Variants in SKA3 observed in about 807,000 individuals in gnomAD.
The protein encoded by SKA3 is spindle and kinetochore-associated protein 3.
A neutral mutation model predicts 44.2 loss-of-function variants in SKA3; 39 were observed. That is an observed-to-expected ratio of 0.88 (90% CI 0.68 to 1.15). The LOEUF is 1.15. Ranked by LOEUF, SKA3 falls within the 50% of genes most tolerant of loss-of-function variation. The probability of loss-of-function intolerance (pLI) is 0.00; values close to 1 mark genes in which losing one functional copy is unlikely to be tolerated. For synonymous variants in SKA3, 192 were observed against 172.0 expected (o/e 1.12, Z -0.91); for missense variants, 511 against 485.8 (o/e 1.05, Z -0.49).
chr13:21,170,308 T>C (rs1870967383), intron 3 of SKA3, among the ~76,000 whole-genome samples: 1 of 151,514 alleles, frequency 6.6e-6, no homozygotes, highest in Non-Finnish European at 1.5e-5. Flanking sequence ...GCCTAATGAG[T>C]AGCTGGGATT....
rs1340925498 is a variant in SKA3, at chr13:21,160,010, ATT to A, written c.830-25_830-24del. On this transcript the variant is annotated intron_variant, in intron 5 of 8. Coordinates refer to ENST00000314759, the MANE Select transcript of SKA3 (RefSeq NM_145061.6). ...CATCTAAAAGACACATAAAATGGTC[ATT>A]AAAAAACTATAACTATAGTATGCTT... The A allele has an allele frequency of 5.2e-6, 6 of 1,152,010 alleles. No homozygotes were observed. The African/African-American group carries it at 8.9e-5, about 17-fold the overall frequency. The allele number at this position is 1,152,010 out of a possible 1,614,324, so 71.4% of individuals were successfully genotyped here. A position where few individuals can be genotyped will look rare whatever the true frequency, so the allele number is the denominator to read the frequency against.
intron 1 of SKA3, among the ~76,000 whole-genome samples, chr13:21,173,761 C>A (rs1192583298): frequency 1.3e-5 from 2 of 152,122 alleles, no homozygotes; most frequent in Non-Finnish European, 2.9e-5. Context: ...TGTTGAAACA[C>A]TTTGGATTGT....
chr13:21,162,152 C>T (rs1595299409), intron 4 of SKA3, among the ~76,000 whole-genome samples: 2 of 152,144 alleles, frequency 1.3e-5, no homozygotes, highest in African/African-American at 4.8e-5. Context: ...CCAGTGTACA[C>T]ATATAGATTA....
At chr13:21,161,565 A>G (rs1375810484) in intron 5 of SKA3, among the ~76,000 whole-genome samples, 1 of 152,252 alleles carries the variant, frequency 6.6e-6, no homozygotes, top group East Asian at 1.9e-4. Flanking sequence ...TGTTAATAAC[A>G]AGCTGACAGA....
intron 7 of SKA3, among the ~76,000 whole-genome samples, chr13:21,156,052 TGGCACAC>T (rs1870101729): frequency 6.6e-6 from 1 of 151,916 alleles, no homozygotes; most frequent in African/African-American, 2.4e-5. Flanking sequence ...CTAGGAGTGG[TGGCACAC>T]ACCTGTAATC....
chr13:21,171,917 A>G (rs1323897393), intron 3 of SKA3, among the ~76,000 whole-genome samples: 1 of 152,256 alleles, frequency 6.6e-6, no homozygotes, highest in African/African-American at 2.4e-5. Flanking sequence ...CAAATTTTAT[A>G]GCCAATATCT....
intron 4 of SKA3, among the ~76,000 whole-genome samples, chr13:21,163,083 A>AT (rs1244851056): frequency 6.6e-6 from 1 of 152,132 alleles, no homozygotes; most frequent in Non-Finnish European, 1.5e-5. Flanking sequence ...TTACCCAGTC[A>AT]TTTTACCTCT....
At chr13:21,161,027 T>C (rs546216344) in intron 5 of SKA3, among the ~76,000 whole-genome samples, 1 of 151,976 alleles carries the variant, frequency 6.6e-6, no homozygotes, top group Non-Finnish European at 1.5e-5. Flanking sequence ...GGGGCTGAGG[T>C]GGGAGGACTG....
intron 4 of SKA3, among the ~76,000 whole-genome samples, chr13:21,165,269 A>AT (rs891296070): frequency 1.3e-5 from 2 of 151,296 alleles, no homozygotes; most frequent in Non-Finnish European, 2.9e-5. Context: ...AAAAAAAAAA[A>AT]TTAGGCAGGC....
intron 6 of SKA3, 135 bp from the exon 7 acceptor site, chr13:21,158,260 A>G: frequency 1.7e-6 from 1 of 601,494 alleles, no homozygotes; most frequent in Admixed American, 3.1e-5. Context: ...ACCAAGTTCT[A>G]AACAAAATCA....
intron 4 of SKA3, 116 bp from the exon 5 acceptor site, chr13:21,161,991 G>A (rs1476316071): frequency 5.9e-6 from 3 of 508,544 alleles, no homozygotes; most frequent in South Asian, 4.4e-5. Context: ...ATGCTTTATG[G>A]TACAGAAGTC....
chr13:21,155,397 T>G (rs999681166), intron 8 of SKA3, among the ~76,000 whole-genome samples: 1 of 151,412 alleles, frequency 6.6e-6, no homozygotes, highest in Non-Finnish European at 1.5e-5. Flanking sequence ...TTTACCAATA[T>G]TCAAATGTTA....
chr13:21,155,163 C>T lies in SKA3; in HGVS notation c.*-13G>A. 2 of 1,210,314 alleles carry T rather than the reference C, an allele frequency of 1.7e-6. No homozygotes were observed. The highest frequency in any genetic ancestry group is 1.8e-5 in the South Asian group (1 of 56,552). The allele number at this position is 1,210,314 out of a possible 1,614,324, so 75.0% of individuals were successfully genotyped here. ...TCCACTGGAATTTCTGCAACAGATA[C>T]AAATAACAAATATCAATTTAATAAA... On this transcript the variant is annotated splice_polypyrimidine_tract_variant and intron_variant, in intron 8 of 8. Coordinates refer to ENST00000314759, the MANE Select transcript of SKA3 (RefSeq NM_145061.6).
Position 21,168,500 on chromosome 13 carries a change from CA to C in SKA3, c.332-102del, listed in dbSNP as rs1870862610. ...GCTTATCTGAAATTTCCCAAATCAGCAAAAGTTCCAATTGTCTAAACATTTT... is the reference window on the plus strand; with the variant it reads ...GCTTATCTGAAATTTCCCAAATCAGCAAAGTTCCAATTGTCTAAACATTTT... On this transcript the variant is annotated intron_variant, in intron 3 of 8. Transcript: ENST00000314759. The C allele has an allele frequency of 4.8e-6, 5 of 1,037,654 alleles. No individual in the cohort carries two copies. In the South Asian group the frequency reaches 8.1e-5, roughly 17 times the overall value. 64.3% of individuals were successfully genotyped at this position (1,037,654 alleles called of 1,614,324 possible).
In SKA3 at chr13:21,156,786, C is replaced by T. The variant is rs1230218405; in HGVS notation, c.1120-975G>A. 2.3e-3 allele frequency among the ~76,000 whole-genome samples: 8 copies of T among 3,498 alleles called. 4 individuals are homozygous for T. The highest frequency in any genetic ancestry group is 0.018 in the Admixed American group (4 of 228). The allele number at this position is 3,498 out of a possible 152,430, so 2.3% of individuals were successfully genotyped here. A position where few individuals can be genotyped will look rare whatever the true frequency, so the allele number is the denominator to read the frequency against. On this transcript the variant is annotated intron_variant, in intron 7 of 8. Transcript: ENST00000314759. Reference sequence around the variant, plus strand: ...TTAAGAATTCCACACGTGGGCCGGGCGCGGTGGCTCACGCCTGTAATCCCA... The same window carrying T: ...TTAAGAATTCCACACGTGGGCCGGGTGCGGTGGCTCACGCCTGTAATCCCA...
At chr13:21,174,983 T>G (rs1279364693) in intron 1 of SKA3, among the ~76,000 whole-genome samples, 2 of 152,308 alleles carry the variant, frequency 1.3e-5, no homozygotes, top group Admixed American at 6.5e-5. Context: ...CATCTGAAGA[T>G]AGTTTTTTCT....
At position 21,168,190 on chromosome 13, in the gene SKA3, T is replaced by G; in HGVS notation, c.541A>C (p.Asn181His). 6.2e-7 allele frequency: 1 copy of G among 1,614,152 alleles called. No individual in the cohort carries two copies. The stretch of plus-strand genomic sequence containing the variant: ...ACAATTACGGGCTCTTCCTTATAGT[T>G]GTTCACTGCCTGTGGAGGGTTTGGT... ...VLPNPPQAVN[N>H]YKEEPVIVTP... The change falls in exon 4 of 9, where the codon AAC becomes CAC. Residue 181 changes from asparagine to histidine, a missense_variant. Physicochemically the swap from Asn to His is moderately conservative, Grantham distance 68. Transcript: ENST00000314759.
chr13:21,170,351 C>A (rs1171653527), intron 3 of SKA3, among the ~76,000 whole-genome samples: 1 of 151,502 alleles, frequency 6.6e-6, no homozygotes, highest in Non-Finnish European at 1.5e-5. Context: ...AGCTAATTTT[C>A]GTATTTTTAG....
Position 21,172,444 on chromosome 13 carries a change from T to A in SKA3, c.226A>T (p.Ile76Leu), listed in dbSNP as rs777564414. The A allele has an allele frequency of 6.3e-6, 10 of 1,592,246 alleles. No individual in the cohort carries two copies. The Admixed American group carries it at 1.7e-4, about 27-fold the overall frequency. Residue 76 changes from isoleucine (I) to leucine (L), a missense_variant, in exon 3 of 9, where the codon ATA becomes TTA. Physicochemically the swap from Ile to Leu is conservative, Grantham distance 5 (BLOSUM62 2). Coordinates refer to ENST00000314759, the MANE Select transcript of SKA3 (RefSeq NM_145061.6). The stretch of plus-strand genomic sequence containing the variant: ...TCCATTAGTACTTTTGTTGCCTTTA[T>A]GAAATCAATGCCTTCTTGATTTTCC... ...RLENQEGIDF[I>L]KATKVLMEKN...
Sources: gnomAD v4.1 joint callset for allele counts (sites outside exome capture counted in the v4.1 genomes callset) on GRCh38, gnomAD v4.1.1 for gene constraint, MANE v1.5 for transcripts, NCBI Gene and HGNC (gene_info 2026-07-23, HGNC 2026-07-21) for gene names.